PDXDC1: variants seen among roughly 807,000 people sequenced by gnomAD.
The protein encoded by PDXDC1 is pyridoxal-dependent decarboxylase domain-containing protein 1.
A neutral mutation model predicts 100.1 loss-of-function variants in PDXDC1; 42 were observed. The ratio of observed to expected loss-of-function variants is 0.42; its 90% confidence interval spans 0.33 to 0.54. PDXDC1 has a LOEUF of 0.54. Among genes scored for constraint, PDXDC1 ranks in the 20% least tolerant of loss-of-function variants. PDXDC1 has a pLI of 0.10. For missense variants in PDXDC1, 636 were observed against 979.2 expected, an observed-to-expected ratio of 0.65 and a Z score of 4.68; for synonymous variants, 260 against 371.7, an observed-to-expected ratio of 0.70 and a Z score of 3.46.
chr16:14,984,022 G>A (rs1483831042), intron 1 of PDXDC1, among the ~76,000 whole-genome samples: 2 of 152,254 alleles, frequency 1.3e-5, no homozygotes, highest in African/African-American at 4.8e-5. Flanking sequence ...ACTTAGCCAG[G>A]CTTGGTGGCA....
At chr16:15,029,588 TGTCAA>T (rs2042899468) in intron 15 of PDXDC1, 1 of 449,014 alleles carries the variant, frequency 2.2e-6, no homozygotes, top group Non-Finnish European at 3.8e-6. Context: ...TACTAAGCAG[TGTCAA>T]GTAGCATGTT....
the PDXDC1 span, among the ~76,000 whole-genome samples, chr16:15,145,931 G>C: frequency 2.6e-5 from 4 of 152,226 alleles, no homozygotes; most frequent in Non-Finnish European, 5.9e-5. Flanking sequence ...GAACACGTGT[G>C]TCTCCCTCCA....
chr16:15,117,642 G>A (rs1343703402), intron 16 of PDXDC1, among the ~76,000 whole-genome samples: 5 of 127,998 alleles, frequency 3.9e-5, no homozygotes, highest in Non-Finnish European at 8.3e-5. Context: ...GCAGTGAGCC[G>A]AGATCACACC....
chr16:14,998,515 G>T, intron 3 of PDXDC1, 110 bp downstream of exon 3: 1 of 1,203,316 alleles, frequency 8.3e-7, no homozygotes, highest in Non-Finnish European at 1.2e-6. Flanking sequence ...CACAATCTGG[G>T]CTCGCTGCAA....
chr16:15,080,611 T>C (rs1162783165), intron 16 of PDXDC1, among the ~76,000 whole-genome samples: 2 of 152,138 alleles, frequency 1.3e-5, no homozygotes, highest in East Asian at 1.9e-4. Flanking sequence ...TTTTTCCTTT[T>C]AGAGAGACAT....
At chr16:15,056,071 C>T (rs2151741632) in intron 16 of PDXDC1, 1 of 371,192 alleles carries the variant, frequency 2.7e-6, no homozygotes, top group Non-Finnish European at 3.8e-6. Context: ...GCGCGTCCCG[C>T]CTCGTCCTGC....
chr16:15,096,726 A>C lies in PDXDC1; in HGVS notation c.1400-42153A>C, dbSNP rs555348351. ...GAGACAGGATCTCATTGTCTAGCCC[A>C]AGTTAGAGCGCAATGGCGCGATCAT... On this transcript the variant is annotated intron_variant, in intron 16 of 16. Coordinates refer to the PDXDC1 transcript ENST00000535621. 1.4e-3 allele frequency among the ~76,000 whole-genome samples: 208 copies of C among 152,370 alleles called. 1 individual carries two copies. Among genetic ancestry groups the C allele is most frequent in the Non-Finnish European group, 2.6e-3 (176 of 68,034 alleles).
chr16:14,983,855 C>G (rs1411652481), intron 1 of PDXDC1, among the ~76,000 whole-genome samples: 1 of 152,264 alleles, frequency 6.6e-6, no homozygotes, highest in Non-Finnish European at 1.5e-5. Context: ...GATATTACCA[C>G]CAGCATGATC....
chr16:15,098,580 T>G (rs1405410513), intron 16 of PDXDC1, among the ~76,000 whole-genome samples: 2 of 152,038 alleles, frequency 1.3e-5, no homozygotes, highest in Admixed American at 6.6e-5. Flanking sequence ...TTGTTGAGCA[T>G]AAAGAGTGAC....
chr16:15,147,633 T>C, the PDXDC1 span, among the ~76,000 whole-genome samples: 1 of 152,084 alleles, frequency 6.6e-6, no homozygotes, highest in Non-Finnish European at 1.5e-5. Flanking sequence ...TTCAAGCGAT[T>C]CTCCTGCCTC....
At chr16:14,986,658 CTG>C (rs554677923) in intron 1 of PDXDC1, among the ~76,000 whole-genome samples, 645 of 152,216 alleles carry the variant, frequency 4.2e-3, no homozygotes, top group African/African-American at 0.015. Context: ...AGAGGTAAAA[CTG>C]TGTCTAAATT....
At chr16:15,080,039 C>T (rs1226563745) in intron 16 of PDXDC1, 1 of 1,601,146 alleles carries the variant, frequency 6.2e-7, no homozygotes, top group Non-Finnish European at 8.5e-7. Flanking sequence ...TCCAGAATTT[C>T]ATGCCTCAAG....
intron 16 of PDXDC1, chr16:15,074,961 A>C: frequency 8.1e-7 from 1 of 1,234,172 alleles, no homozygotes. Context: ...AAAAGATAAA[A>C]CAAAGAGGCT....
intron 1 of PDXDC1, chr16:14,990,051 C>G (rs111367338): frequency 1.3e-5 from 20 of 1,490,908 alleles, no homozygotes; most frequent in Non-Finnish European, 1.8e-5. Flanking sequence ...CGCGCCGGAC[C>G]CCCCAAACCA....
At chr16:15,069,914 C>T (rs2045149097) in intron 16 of PDXDC1, among the ~76,000 whole-genome samples, 1 of 152,108 alleles carries the variant, frequency 6.6e-6, no homozygotes, top group South Asian at 2.1e-4. Flanking sequence ...TTTGTAGGGG[C>T]CTATGAGCTG....
intron 16 of PDXDC1, among the ~76,000 whole-genome samples, chr16:15,078,600 C>T (rs970477738): frequency 1.3e-5 from 2 of 152,172 alleles, no homozygotes; most frequent in African/African-American, 4.8e-5. Flanking sequence ...TCCGGCGGAT[C>T]CTTCCTGAGC....
At chr16:15,074,195 C>T (rs2045354756) in intron 16 of PDXDC1, among the ~76,000 whole-genome samples, 1 of 152,154 alleles carries the variant, frequency 6.6e-6, no homozygotes, top group African/African-American at 2.4e-5. Context: ...AACAGTAATG[C>T]AGTCAACTCA....
chr16:15,110,154 A>G (rs2046983991), intron 16 of PDXDC1, among the ~76,000 whole-genome samples: 1 of 150,230 alleles, frequency 6.7e-6, no homozygotes, highest in African/African-American at 2.4e-5. Flanking sequence ...TCAGGAAAAA[A>G]AAAAAAAGAG....
At chr16:14,989,614 G>A in intron 1 of PDXDC1, 5 of 1,606,098 alleles carry the variant, frequency 3.1e-6, no homozygotes, top group South Asian at 1.1e-5. Context: ...ACGCAGTCGC[G>A]GCCGGACCCC....
Sources: allele counts gnomAD v4.1 joint callset (sites outside exome capture counted in the v4.1 genomes callset), GRCh38; gene constraint gnomAD v4.1.1; transcripts MANE v1.5; gene names NCBI Gene and HGNC (gene_info 2026-07-23, HGNC 2026-07-21).